The following NUDT7 variants were observed in gnomAD, a reference collection of about 807,000 sequenced individuals.
The protein encoded by NUDT7 is nudix hydrolase 7, also known as peroxisomal coenzyme A diphosphatase NUDT7.
NUDT7 carries 19 observed loss-of-function variants against 13.1 expected under a neutral mutation model. The ratio of observed to expected loss-of-function variants is 1.45; its 90% CI spans 1.01 to 2.13. The LOEUF (loss-of-function observed/expected upper bound fraction) is 2.13. NUDT7 is among the 30% of genes most tolerant of loss of function. The probability of loss-of-function intolerance (pLI) is 0.00; values close to 1 mark genes in which losing one functional copy is unlikely to be tolerated. For synonymous variants in NUDT7, 132 were observed against 109.7 expected (o/e 1.20, Z -1.27); for missense variants, 360 against 291.7 (o/e 1.23, Z -1.71).
intron 3 of NUDT7, among the ~76,000 whole-genome samples, chr16:77,739,071 T>C (rs372619330): frequency 1.3e-5 from 2 of 152,222 alleles, no homozygotes; most frequent in Admixed American, 6.5e-5. Flanking sequence ...GCATACATTG[T>C]TGGGGCTCTG....
rs374770553 is a variant in NUDT7 at position 77,727,675 on chromosome 16, C to T, written c.189+2091C>T. ...TTCGAGACCAGTCTGGCCAACATGGCGAAACCCTGTCTCTACTAAAAATAC... is the reference window on the plus strand; with the variant it reads ...TTCGAGACCAGTCTGGCCAACATGGTGAAACCCTGTCTCTACTAAAAATAC... On this transcript the variant is annotated intron_variant, in intron 2 of 3. Coordinates refer to ENST00000268533, the MANE Select transcript of NUDT7 (RefSeq NM_001105663.3). Among the ~76,000 whole-genome samples, 553 of 152,138 alleles carry T rather than the reference C, an allele frequency of 3.6e-3. 2 individuals are homozygous for T. The highest frequency in any genetic ancestry group is 0.01 in the East Asian group (54 of 5,160).
chr16:77,724,172 T>C (rs1159641972), intron 1 of NUDT7, among the ~76,000 whole-genome samples: 2 of 152,146 alleles, frequency 1.3e-5, no homozygotes, highest in Non-Finnish European at 2.9e-5. Context: ...TTTCTGGCAT[T>C]CCTTGGCTCA....
intron 3 of NUDT7, among the ~76,000 whole-genome samples, chr16:77,739,227 G>A (rs1271965503): frequency 1.3e-5 from 2 of 152,100 alleles, no homozygotes; most frequent in Non-Finnish European, 2.9e-5. Flanking sequence ...TATTAGAGAA[G>A]TAAAGAAAAA....
intron 1 of NUDT7, among the ~76,000 whole-genome samples, chr16:77,724,103 C>G (rs1461620509): frequency 1.3e-5 from 2 of 152,116 alleles, no homozygotes; most frequent in Non-Finnish European, 2.9e-5. Context: ...TCGGCAGGGC[C>G]TCACTCCCTT....
intron 3 of NUDT7, chr16:77,736,632 T>C: frequency 4.1e-6 from 1 of 241,344 alleles, no homozygotes; most frequent in Admixed American, 4.6e-5. Flanking sequence ...ATTTTCTTTT[T>C]TATTTTTTTT....
chr16:77,737,266 C>T lies in NUDT7; in HGVS notation c.348+1280C>T, dbSNP rs1368818790. On this transcript the variant is annotated intron_variant, in intron 3 of 3. Transcript: ENST00000268533. ...ATTTTGTGGTCATGTCTCCTTAGTC[C>T]TCTGGTCTGTGATAGTTTATCAGAC... is the stretch of plus-strand genomic sequence containing the variant. The T allele has an allele frequency of 6.6e-5, 10 of 152,158 alleles. No homozygotes were observed. In the East Asian group the frequency reaches 1.9e-3, roughly 29 times the overall value. The allele number at this position is 152,158 out of a possible 1,614,324, so 9.4% of individuals were successfully genotyped here.
intron 2 of NUDT7, among the ~76,000 whole-genome samples, chr16:77,729,764 G>T (rs2014253911): frequency 6.6e-6 from 1 of 152,124 alleles, no homozygotes; most frequent in African/African-American, 2.4e-5. Context: ...GGCAGAGGTT[G>T]CAGTGAACCG....
At position 77,741,631 on chromosome 16, in the gene NUDT7, A is replaced by C; in HGVS notation, c.398A>C (p.Gln133Pro). 1.2e-6 allele frequency: 2 copies of C among 1,613,650 alleles called. No individual in the cohort carries two copies. The highest frequency in any genetic ancestry group is 1.7e-6 in the Non-Finnish European group (2 of 1,179,920). The change falls in exon 4 of 4, where the codon CAG becomes CCG. Residue 133 changes from glutamine to proline, a missense_variant. By Grantham distance (76) the Gln-to-Pro change is moderately conservative. Transcript: ENST00000268533. The part of the protein sequence containing the change: ...PFVGLIDHNF[Q>P]AQPNPAEVKD... ...GTGGGTTTAATAGACCACAACTTCC[A>C]GGCCCAGCCGAATCCTGCTGAAGTT...
chr16:77,734,311 T>C (rs1329560999), intron 2 of NUDT7, among the ~76,000 whole-genome samples: 2 of 151,960 alleles, frequency 1.3e-5, no homozygotes, highest in East Asian at 3.9e-4. Context: ...TGTCTGAAAA[T>C]GGAAATAATA....
At chr16:77,735,017 G>A (rs996970403) in intron 2 of NUDT7, among the ~76,000 whole-genome samples, 1 of 152,136 alleles carries the variant, frequency 6.6e-6, no homozygotes, top group Non-Finnish European at 1.5e-5. Flanking sequence ...AAAATTAGTA[G>A]CTTATAGGAC....
At chr16:77,731,520 C>T (rs948055980) in intron 2 of NUDT7, among the ~76,000 whole-genome samples, 10 of 152,138 alleles carry the variant, frequency 6.6e-5, no homozygotes, top group South Asian at 4.1e-4. Flanking sequence ...AAGTGTAGCA[C>T]ATACAATTAT....
intron 2 of NUDT7, chr16:77,735,352 G>A (rs1233878716): frequency 6.0e-6 from 3 of 501,996 alleles, no homozygotes; most frequent in Non-Finnish European, 1.1e-5. Context: ...TTGTTTAAAA[G>A]TGTGTAGCAC....
At chr16:77,738,743 A>G (rs1425079877) in intron 3 of NUDT7, among the ~76,000 whole-genome samples, 1 of 152,180 alleles carries the variant, frequency 6.6e-6, no homozygotes, top group Non-Finnish European at 1.5e-5. Context: ...TGTACCCGCT[A>G]CATAAGCCTT....
intron 3 of NUDT7, 67 bp from the exon 4 acceptor site, chr16:77,741,515 A>C: frequency 6.8e-7 from 1 of 1,479,174 alleles, no homozygotes; most frequent in South Asian, 1.4e-5. Context: ...TAGAAGTGGC[A>C]TGATTTTAGG....
chr16:77,738,256 C>T (rs189710715), intron 3 of NUDT7, among the ~76,000 whole-genome samples: 1 of 146,890 alleles, frequency 6.8e-6, no homozygotes, highest in African/African-American at 2.7e-5. Context: ...TCCCAAGGTC[C>T]CCAGGTGCTA....
chr16:77,722,657 G>C, intron 1 of NUDT7, 40 bp downstream of exon 1: 2 of 1,567,014 alleles, frequency 1.3e-6, no homozygotes, highest in Non-Finnish European at 1.7e-6. Context: ...AGCTTGGTCA[G>C]GCCCGGCCTT....
intron 2 of NUDT7, among the ~76,000 whole-genome samples, chr16:77,728,455 T>C (rs1193736293): frequency 1.3e-5 from 2 of 152,184 alleles, no homozygotes; most frequent in Non-Finnish European, 2.9e-5. Flanking sequence ...CAGGCTGATC[T>C]TGACCTCCTG....
chr16:77,723,569 C>G (rs890852605), intron 1 of NUDT7, among the ~76,000 whole-genome samples: 1 of 150,000 alleles, frequency 6.7e-6, no homozygotes, highest in African/African-American at 2.5e-5. Context: ...GAAGATGAAA[C>G]TCAGAGAAGT....
chr16:77,729,023 T>C (rs1045354816), intron 2 of NUDT7, among the ~76,000 whole-genome samples: 7 of 152,144 alleles, frequency 4.6e-5, no homozygotes, highest in African/African-American at 1.2e-4. Flanking sequence ...AAAGCAAAGA[T>C]TGAAGTCTTA....
Sources: allele counts gnomAD v4.1 joint callset (sites outside exome capture counted in the v4.1 genomes callset), GRCh38; gene constraint gnomAD v4.1.1; transcripts MANE v1.5; gene names NCBI Gene and HGNC (gene_info 2026-07-23, HGNC 2026-07-21).